Variants in SLC9A8 observed in about 807,000 individuals in gnomAD.
SLC9A8 encodes solute carrier family 9 member A8.
Under a neutral mutation model 66.6 loss-of-function variants are expected in SLC9A8, and 48 were observed. The observed-to-expected ratio is 0.72, with a 90% CI of 0.57 to 0.92. SLC9A8 has a LOEUF of 0.92. Among genes scored for constraint, SLC9A8 ranks in the 40% least tolerant of loss-of-function variants. SLC9A8 has a pLI of 0.00. For missense variants in SLC9A8, 599 were observed against 747.3 expected (o/e 0.80, Z 2.31); for synonymous variants, 274 against 282.6 (o/e 0.97, Z 0.31).
intron 8 of SLC9A8, among the ~76,000 whole-genome samples, chr20:49,861,498 A>G (rs1039335167): frequency 1.3e-5 from 2 of 152,254 alleles, no homozygotes; most frequent in South Asian, 4.1e-4. Flanking sequence ...AGCTGAGATC[A>G]TGCCACTGCA....
chr20:49,873,091 G>A (rs1865172370), intron 10 of SLC9A8, among the ~76,000 whole-genome samples: 1 of 152,144 alleles, frequency 6.6e-6, no homozygotes, highest in Non-Finnish European at 1.5e-5. Flanking sequence ...CTCGTGCAGG[G>A]CTCTGAAGAA....
intron 2 of SLC9A8, among the ~76,000 whole-genome samples, chr20:49,816,461 A>C (rs958609746): frequency 7.2e-5 from 11 of 152,072 alleles, no homozygotes; most frequent in Non-Finnish European, 1.6e-4. Context: ...AATTTTGTTC[A>C]ACCTTCTCTT....
At chr20:49,851,799 A>T (rs1433631951) in intron 7 of SLC9A8, among the ~76,000 whole-genome samples, 1 of 152,240 alleles carries the variant, frequency 6.6e-6, no homozygotes, top group African/African-American at 2.4e-5. Context: ...GAGAGCTGGA[A>T]ATAAAGCAGA....
chr20:49,813,096 GGC>G, intron 1 of SLC9A8, 148 bp downstream of exon 1: 1 of 508,504 alleles, frequency 2.0e-6, no homozygotes. Flanking sequence ...CTACGAGGAG[GGC>G]GGGATGGGCG....
At chr20:49,826,826 C>A (rs932585789) in intron 3 of SLC9A8, among the ~76,000 whole-genome samples, 1 of 152,262 alleles carries the variant, frequency 6.6e-6, no homozygotes, top group Non-Finnish European at 1.5e-5. Flanking sequence ...TTGTTTCATT[C>A]TCTTCCAGTC....
rs769030198 is a variant in SLC9A8 at position 49,884,102 on chromosome 20, G to C, written c.1491+36G>C. On this transcript the variant is annotated intron_variant, in intron 14 of 15. Transcript: ENST00000361573. ...TGCGCCTGTGGGGGTGGGGCAGGGG[G>C]CTGGCCTGCTACGCAGCTGGTGGTC... 9 of 1,583,330 alleles carry C rather than the reference G, an allele frequency of 5.7e-6. No homozygotes were observed. The South Asian group carries it at 8.9e-5, about 16-fold the overall frequency.
chr20:49,849,233 T>C (rs532938061), intron 5 of SLC9A8, among the ~76,000 whole-genome samples: 1 of 152,206 alleles, frequency 6.6e-6, no homozygotes, highest in South Asian at 2.1e-4. Flanking sequence ...TAGCTGCATT[T>C]TAAGTGGAAA....
chr20:49,852,661 G>A (rs991186049), intron 7 of SLC9A8, among the ~76,000 whole-genome samples: 2 of 152,138 alleles, frequency 1.3e-5, no homozygotes, highest in Non-Finnish European at 2.9e-5. Context: ...AGGTCTTAAA[G>A]ATGTGAAGTG....
chr20:49,837,002 A>ACCTCC (rs977022193), intron 3 of SLC9A8, among the ~76,000 whole-genome samples: 6 of 152,000 alleles, frequency 3.9e-5, no homozygotes, highest in Non-Finnish European at 8.8e-5. Flanking sequence ...AAGTTAACAT[A>ACCTCC]CCTCCCTCTC....
intron 3 of SLC9A8, among the ~76,000 whole-genome samples, chr20:49,826,563 T>C (rs933328223): frequency 6.6e-6 from 1 of 152,214 alleles, no homozygotes; most frequent in Non-Finnish European, 1.5e-5. Context: ...CAAAAGCACA[T>C]GTCCCCTCCT....
chr20:49,872,471 T>C (rs1236569489), intron 10 of SLC9A8, among the ~76,000 whole-genome samples: 2 of 129,362 alleles, frequency 1.5e-5, no homozygotes, highest in Non-Finnish European at 3.4e-5. Context: ...TTTTTTTTTT[T>C]ACAGTTTTTT....
intron 1 of SLC9A8, among the ~76,000 whole-genome samples, chr20:49,813,211 A>C (rs1363474209): frequency 1.3e-5 from 2 of 152,190 alleles, no homozygotes; most frequent in Non-Finnish European, 2.9e-5. Flanking sequence ...CGGAAAATAC[A>C]AACCATATTT....
At chr20:49,835,979 A>G (rs1012642795) in intron 3 of SLC9A8, among the ~76,000 whole-genome samples, 1 of 151,902 alleles carries the variant, frequency 6.6e-6, no homozygotes, top group Non-Finnish European at 1.5e-5. Context: ...CAATTCACCC[A>G]TTTTAAATGT....
At chr20:49,872,958 C>CT (rs2089273154) in intron 10 of SLC9A8, among the ~76,000 whole-genome samples, 1 of 152,160 alleles carries the variant, frequency 6.6e-6, no homozygotes, top group South Asian at 2.1e-4. Context: ...ATAGAGACCC[C>CT]TTTCCTGCTC....
chr20:49,830,533 A>C, intron 3 of SLC9A8: 1 of 677,174 alleles, frequency 1.5e-6, no homozygotes, highest in Non-Finnish European at 2.6e-6. Flanking sequence ...ATAGTCACTT[A>C]GCTGGCCTGG....
chr20:49,824,042 C>T (rs928054545), intron 3 of SLC9A8, among the ~76,000 whole-genome samples: 1 of 152,192 alleles, frequency 6.6e-6, no homozygotes, highest in African/African-American at 2.4e-5. Context: ...TCACTAGCCT[C>T]CCCCTCCTCC....
intron 3 of SLC9A8, among the ~76,000 whole-genome samples, chr20:49,834,243 C>G (rs1334966709): frequency 7.1e-6 from 1 of 141,294 alleles, no homozygotes; most frequent in Admixed American, 7.2e-5. Flanking sequence ...TATACACACA[C>G]TGTATATACG....
At chr20:49,875,412 A>C (rs899669449) in intron 11 of SLC9A8, among the ~76,000 whole-genome samples, 8 of 152,238 alleles carry the variant, frequency 5.3e-5, no homozygotes, top group African/African-American at 1.9e-4. Context: ...CAAATCCTTA[A>C]CGGGGGATAT....
At position 49,871,089 on chromosome 20, in the gene SLC9A8, G is replaced by A. The variant is rs115700752; in HGVS notation, c.959-3616G>A. Among the ~76,000 whole-genome samples, 986 of 152,318 alleles carry A rather than the reference G, an allele frequency of 6.5e-3. 8 individuals are homozygous for A. The highest frequency in any genetic ancestry group is 0.022 in the African/African-American group (911 of 41,566). On this transcript the variant is annotated intron_variant, in intron 10 of 15. Transcript: ENST00000361573. ...GTTAATAGTAGTTAAGAGTAGTTAC[G>A]TCTGAGCGGGCAGTATGAATAGATT...
Sources: gnomAD v4.1 joint callset for allele counts (sites outside exome capture counted in the v4.1 genomes callset) on GRCh38, gnomAD v4.1.1 for gene constraint, MANE v1.5 for transcripts, NCBI Gene and HGNC (gene_info 2026-07-23, HGNC 2026-07-21) for gene names.